CDH13: variants seen among roughly 807,000 people sequenced by gnomAD.
CDH13 encodes the protein cadherin-13.
A neutral mutation model predicts 63.8 loss-of-function variants in CDH13; 24 were observed. The ratio of observed to expected loss-of-function variants is 0.38; its 90% CI spans 0.27 to 0.53. The LOEUF is 0.53. Ranked by LOEUF, CDH13 falls within the 20% of genes least tolerant of loss-of-function variation. The pLI is 0.85. For missense variants in CDH13, 1,049 were observed against 903.1 expected (o/e 1.16, Z -2.07); for synonymous variants, 503 against 355.3 (o/e 1.42, Z -4.67).
rs180954303 is a variant in CDH13 at position 83,043,729 on chromosome 16, C to T, written c.366+11511C>T. Among the ~76,000 whole-genome samples the T allele has an allele frequency of 8.8e-3, 1,331 of 151,748 alleles. 10 individuals are homozygous for T. The highest frequency in any genetic ancestry group is 0.024 in the Middle Eastern group (7 of 294). Reference sequence around the variant, plus strand: ...CAAAAATTAGCTGGGCATGGTGGTGCATGCCTGTAATCCCAGCTACTCAGG... The same window carrying T: ...CAAAAATTAGCTGGGCATGGTGGTGTATGCCTGTAATCCCAGCTACTCAGG... On this transcript the variant is annotated intron_variant, in intron 3 of 13. Coordinates refer to ENST00000567109, the MANE Select transcript of CDH13 (RefSeq NM_001257.5).
intron 2 of CDH13, among the ~76,000 whole-genome samples, chr16:82,978,030 A>G (rs1321110207): frequency 6.6e-6 from 1 of 152,182 alleles, no homozygotes; most frequent in Admixed American, 6.5e-5. Context: ...GACTCTCGTT[A>G]TGTTTTAGCA....
At chr16:83,241,125 C>G (rs534120947) in intron 5 of CDH13, among the ~76,000 whole-genome samples, 79 of 152,264 alleles carry the variant, frequency 5.2e-4, no homozygotes, top group African/African-American at 1.9e-3. Context: ...GCATAATGCA[C>G]TTGAGGTTCA....
At chr16:83,764,471 G>A (rs1914225313) in intron 11 of CDH13, among the ~76,000 whole-genome samples, 1 of 152,174 alleles carries the variant, frequency 6.6e-6, no homozygotes, top group Non-Finnish European at 1.5e-5. Flanking sequence ...AATACTGTCA[G>A]TGATGCCCAT....
At position 83,602,486 on chromosome 16, in the gene CDH13, C is replaced by G. The variant is rs368865519; in HGVS notation, c.993C>G (p.Ile331Met). 1.2e-6 allele frequency: 2 copies of G among 1,613,722 alleles called. No individual in the cohort carries two copies. The highest frequency in any genetic ancestry group is 1.3e-5 in the African/African-American group (1 of 74,904). The change falls in exon 8 of 14, where the codon ATC becomes ATG. Residue 331 changes from isoleucine to methionine, a missense_variant. Transcript: ENST00000567109. ...TLENPKYELI[I>M]EAQDMAGLDV... is the part of the protein sequence containing the mutation. ...AAAATCCCAAGTATGAACTGATCAT[C>G]GAGGCTCAAGATATGGCTGGACTGG...
At chr16:83,601,813 G>A (rs932530694) in intron 7 of CDH13, among the ~76,000 whole-genome samples, 4 of 152,004 alleles carry the variant, frequency 2.6e-5, no homozygotes, top group African/African-American at 9.7e-5. Flanking sequence ...ACAACGTAGG[G>A]GCCGGGCGTG....
At chr16:82,738,783 A>G (rs750946427) in intron 1 of CDH13, among the ~76,000 whole-genome samples, 6 of 152,226 alleles carry the variant, frequency 3.9e-5, no homozygotes, top group Non-Finnish European at 7.3e-5. Context: ...CTAAAATTTC[A>G]TATAACCTTG....
rs1399449733 is a variant in CDH13, at chr16:83,602,614, A to C, written c.1101+20A>C. On this transcript the variant is annotated intron_variant, in intron 8 of 13. Transcript: ENST00000567109. The stretch of plus-strand genomic sequence containing the variant: ...AAAGAGGTAAACCCCTGTGCCAAAC[A>C]CCAACCACCACTGTGGTCACAGCTA... The C allele has an allele frequency of 3.7e-6, 6 of 1,613,194 alleles. No homozygotes were observed. The Admixed American group carries it at 1.0e-4, about 27-fold the overall frequency.
intron 4 of CDH13, among the ~76,000 whole-genome samples, chr16:83,179,089 C>G (rs752337613): frequency 1.6e-4 from 25 of 152,182 alleles, no homozygotes; most frequent in Non-Finnish European, 3.1e-4. Context: ...ATTCGAGTCT[C>G]ACATCAGAGC....
chr16:83,326,564 G>A (rs575246787), intron 5 of CDH13, among the ~76,000 whole-genome samples: 1 of 152,142 alleles, frequency 6.6e-6, no homozygotes, highest in East Asian at 1.9e-4. Context: ...GAAGGGAGAT[G>A]ACTCATAAAT....
chr16:83,490,402 G>A (rs975414209), intron 7 of CDH13, among the ~76,000 whole-genome samples: 2 of 152,156 alleles, frequency 1.3e-5, no homozygotes, highest in Admixed American at 6.5e-5. Context: ...ACACAGGGCA[G>A]TGTAGAAATG....
chr16:83,667,087 TGATGGATGGATGGATGGATG>T (rs5818464), intron 8 of CDH13, among the ~76,000 whole-genome samples: 1 of 144,706 alleles, frequency 6.9e-6, no homozygotes, highest in African/African-American at 2.6e-5. Context: ...GATAGATGGA[TGATGGATGGATGGATGGATG>T]GATGGATGGA....
At chr16:83,151,085 C>A (rs879419767) in intron 4 of CDH13, among the ~76,000 whole-genome samples, 1 of 152,112 alleles carries the variant, frequency 6.6e-6, no homozygotes, top group African/African-American at 2.4e-5. Flanking sequence ...GTTCCCATAC[C>A]ACTCAACCTT....
intron 1 of CDH13, among the ~76,000 whole-genome samples, chr16:82,720,103 A>C (rs1031884706): frequency 1.3e-5 from 2 of 152,188 alleles, no homozygotes; most frequent in African/African-American, 4.8e-5. Context: ...ACATACATTT[A>C]AGAAAGATGA....
intron 3 of CDH13, among the ~76,000 whole-genome samples, chr16:83,104,621 TGGCGGGGGTG>T (rs1243909090): frequency 3.0e-5 from 3 of 101,570 alleles, no homozygotes; most frequent in African/African-American, 1.2e-4. Flanking sequence ...TACCAGGCGG[TGGCGGGGGTG>T]GGCGGGGGAA....
chr16:83,377,126 C>A (rs1168901571), intron 6 of CDH13, among the ~76,000 whole-genome samples: 1 of 152,140 alleles, frequency 6.6e-6, no homozygotes, highest in African/African-American at 2.4e-5. Context: ...CTGAGTCCTT[C>A]CTGAATCCCT....
rs138768604 is a variant in CDH13 at position 82,824,310 on chromosome 16, GAAA to G, written c.46-34045_46-34043del. The G allele has an allele frequency of 2.7e-5, 4 of 150,284 alleles. No homozygotes were observed. In the East Asian group the frequency reaches 7.7e-4, roughly 29 times the overall value. 9.3% of individuals were successfully genotyped at this position (150,284 alleles called of 1,614,324 possible). A position where few individuals can be genotyped will look rare whatever the true frequency, so the allele number is the denominator to read the frequency against. Reference sequence around the variant, plus strand: ...ATCTCATTATTTTAGAAACGGAAAGGAAAAAAAAACATAAACAACTATCCTGCC... The same window carrying G: ...ATCTCATTATTTTAGAAACGGAAAGGAAAAAACATAAACAACTATCCTGCC... On this transcript the variant is annotated intron_variant, in intron 1 of 13. Coordinates refer to ENST00000567109, the MANE Select transcript of CDH13 (RefSeq NM_001257.5).
At chr16:82,929,664 AAAAAAAAAAAAAAAAAAAAG>A (rs1287660926) in intron 2 of CDH13, among the ~76,000 whole-genome samples, 8 of 78,346 alleles carry the variant, frequency 1.0e-4, no homozygotes, top group African/African-American at 2.6e-4. Flanking sequence ...AAAAAAAAAA[AAAAAAAAAAAAAAAAAAAAG>A]AAGACAGCCG....
chr16:83,360,714 G>A (rs924327338), intron 6 of CDH13, among the ~76,000 whole-genome samples: 2 of 152,072 alleles, frequency 1.3e-5, no homozygotes, highest in East Asian at 1.9e-4. Context: ...GCTGTTTTTG[G>A]TCTTCTGTTC....
intron 10 of CDH13, among the ~76,000 whole-genome samples, chr16:83,729,849 C>G (rs1255188039): frequency 1.3e-5 from 2 of 152,172 alleles, no homozygotes; most frequent in East Asian, 1.9e-4. Flanking sequence ...CCAGCAGCAG[C>G]AAATCTGTTT....
Sources: gnomAD v4.1 joint callset for allele counts (sites outside exome capture counted in the v4.1 genomes callset) on GRCh38, gnomAD v4.1.1 for gene constraint, MANE v1.5 for transcripts, NCBI Gene and HGNC (gene_info 2026-07-23, HGNC 2026-07-21) for gene names.